The following ZFP28 variants were observed in gnomAD, a reference collection of about 807,000 sequenced individuals.
The protein encoded by ZFP28 is zinc finger protein 28 homolog.
Under a neutral mutation model 39.5 loss-of-function variants are expected in ZFP28, and 31 were observed. The observed-to-expected ratio is 0.79, with a 90% CI of 0.59 to 1.06. ZFP28 has a LOEUF of 1.06. Ranked by LOEUF, ZFP28 falls within the 50% of genes least tolerant of loss-of-function variation. ZFP28 has a pLI of 0.00. For synonymous variants in ZFP28, 400 were observed against 378.6 expected (o/e 1.06, Z -0.66); for missense variants, 925 against 1,048.4 (o/e 0.88, Z 1.63).
chr19:56,538,690 T>C (rs1340027079), upstream of ZFP28: 1 of 151,286 alleles, frequency 6.6e-6, no homozygotes, highest in Non-Finnish European at 1.5e-5. Context: ...CCAGCGGGCA[T>C]TGCGCCGAGG....
chr19:56,554,930 C>G lies in ZFP28; in HGVS notation c.2145C>G (p.Ser715=). 6.2e-7 allele frequency: 1 copy of G among 1,614,172 alleles called. No individual in the cohort carries two copies. The highest frequency in any genetic ancestry group is 8.5e-7 in the Non-Finnish European group (1 of 1,180,034). The change falls in exon 8 of 8, where the codon TCC becomes TCG. Residue 715 remains serine (S), a synonymous_variant. Coordinates refer to ENST00000301318, the MANE Select transcript of ZFP28 (RefSeq NM_020828.2). The surrounding 1 kb of genome is among the most constrained non-coding windows in gnomAD (Gnocchi z 6.7). Reference sequence around the variant, plus strand: ...GGAAGGCCTTTGGTGATAACTCATCCTGTACTCAACATCAAAGACTGCACA... The same window carrying G: ...GGAAGGCCTTTGGTGATAACTCATCGTGTACTCAACATCAAAGACTGCACA... The part of the protein sequence containing the change: ...ECGKAFGDNS[S]CTQHQRLHTG...
In ZFP28 at chr19:56,554,977, G is replaced by A. The variant is rs757813289; in HGVS notation, c.2192G>A (p.Cys731Tyr). ...RLHTGQRPYE[C>Y]IECGKAFKTK... is the part of the protein sequence containing the mutation. ...CACACTGGCCAAAGACCTTATGAAT[G>A]TATTGAGTGTGGAAAGGCATTCAAG... Residue 731 changes from cysteine (C) to tyrosine (Y), a missense_variant, in exon 8 of 8, where the codon TGT (cysteine) becomes TAT (tyrosine). Physicochemically the swap from Cys to Tyr is radical, Grantham distance 194 (BLOSUM62 -2). Around this residue, in one of 2 missense-constraint regions of ZFP28, gnomAD observed 369 missense variants for 505.5 expected, o/e 0.73. Transcript: ENST00000301318. This position sits in a 1 kb window ranked among gnomAD's most constrained non-coding sequence, Gnocchi z 6.7. The A allele has an allele frequency of 6.2e-7, 1 of 1,614,096 alleles. No homozygotes were observed.
chr19:56,547,597 G>A lies in ZFP28; in HGVS notation c.390G>A (p.Lys130=). ...LNPIQRNLYR[K]VMLENYRNLA... ...CCATTCAGAGGAACTTGTACAGGAA[G>A]GTGATGTTGGAGAACTACAGGAACC... Residue 130 remains lysine (K), a synonymous_variant, in exon 3 of 8, where the codon AAG becomes AAA. Transcript: ENST00000301318. This position sits in a 1 kb window ranked among gnomAD's most constrained non-coding sequence, Gnocchi z 4.6. The A allele has an allele frequency of 6.2e-7, 1 of 1,613,526 alleles. No individual in the cohort carries two copies. Among genetic ancestry groups the A allele is most frequent in the Non-Finnish European group, 8.5e-7 (1 of 1,179,678 alleles).
rs1568486173 is a variant in ZFP28 at position 56,549,100 on chromosome 19, T to A, written c.666T>A (p.Asp222Glu). Residue 222 changes from aspartate (D) to glutamate (E), a missense_variant, in exon 5 of 8, where the codon GAT becomes GAA. Physicochemically the swap from Asp to Glu is conservative, Grantham distance 45. Transcript: ENST00000301318. The part of the protein sequence containing the change: ...YSLLGEHWDY[D>E]ALFETQPGLV... ...TGTTAGGGGAACACTGGGATTATGATGCTCTGTTTGAGACACAGCCGGTAA... is the reference window on the plus strand; with the variant it reads ...TGTTAGGGGAACACTGGGATTATGAAGCTCTGTTTGAGACACAGCCGGTAA... The A allele has an allele frequency of 3.7e-6, 6 of 1,611,600 alleles. No homozygotes were observed. Among genetic ancestry groups the A allele is most frequent in the South Asian group, 1.1e-5 (1 of 90,254 alleles).
Position 56,547,609 on chromosome 19 carries a change from G to A in ZFP28, c.402G>A (p.Glu134=), listed in dbSNP as rs1021001339. ...ACTTGTACAGGAAGGTGATGTTGGA[G>A]AACTACAGGAACCTGGCATCGCTGG... ...QRNLYRKVML[E]NYRNLASLGL... is the part of the protein sequence containing the mutation. Residue 134 remains glutamate, a synonymous_variant, in exon 3 of 8, where the codon GAG becomes GAA. Coordinates refer to ENST00000301318, the MANE Select transcript of ZFP28 (RefSeq NM_020828.2). The surrounding 1 kb of genome is among the most constrained non-coding windows in gnomAD (Gnocchi z 4.6). The A allele has an allele frequency of 4.3e-6, 7 of 1,612,408 alleles. No individual in the cohort carries two copies. Among genetic ancestry groups the A allele is most frequent in the South Asian group, 2.2e-5 (2 of 90,866 alleles).
Position 56,547,984 on chromosome 19 carries a change from C to A in ZFP28, c.523+82C>A. On this transcript the variant is annotated intron_variant, in intron 4 of 7. Coordinates refer to ENST00000301318, the MANE Select transcript of ZFP28 (RefSeq NM_020828.2). The surrounding 1 kb of genome is among the most constrained non-coding windows in gnomAD (Gnocchi z 4.6). ...TCAGACACGCAACATCTTCAGCAGACTCTTCCTAAGCCTCTTGCTTAGGAA... is the reference window on the plus strand; with the variant it reads ...TCAGACACGCAACATCTTCAGCAGAATCTTCCTAAGCCTCTTGCTTAGGAA... 2 of 1,344,736 alleles carry A rather than the reference C, an allele frequency of 1.5e-6. No homozygotes were observed. Among genetic ancestry groups the A allele is most frequent in the Non-Finnish European group, 2.1e-6 (2 of 953,032 alleles). The allele number at this position is 1,344,736 out of a possible 1,614,324, so 83.3% of individuals were successfully genotyped here.
intron 2 of ZFP28, chr19:56,545,761 T>C (rs780316211): frequency 1.3e-5 from 2 of 151,926 alleles, no homozygotes; most frequent in Non-Finnish European, 2.9e-5. Context: ...TCTAGGTGAG[T>C]TTCCCAAGAC....
chr19:56,553,590 C>T (rs1037474747), intron 7 of ZFP28, 94 bp from the exon 8 acceptor site: 1 of 1,407,642 alleles, frequency 7.1e-7, no homozygotes, highest in Non-Finnish European at 9.6e-7. Context: ...ATGAATTCAC[C>T]AATTAGTGAA....
intron 7 of ZFP28, chr19:56,552,624 T>TTCAGGCAAAC (rs2044314361): frequency 6.6e-6 from 1 of 152,184 alleles, no homozygotes; most frequent in African/African-American, 2.4e-5. Flanking sequence ...GTCTAGAAGT[T>TTCAGGCAAAC]TGCATATGGT....
chr19:56,539,077 C>T lies in ZFP28; in HGVS notation c.59C>T (p.Ala20Val), dbSNP rs563829816. 1.3e-6 allele frequency: 2 copies of T among 1,530,018 alleles called. No individual in the cohort carries two copies. The highest frequency in any genetic ancestry group is 8.7e-7 in the Non-Finnish European group (1 of 1,143,646). 94.8% of individuals were successfully genotyped at this position (1,530,018 alleles called of 1,614,324 possible). The change falls in exon 1 of 8, where the codon GCC becomes GTC. Residue 20 changes from alanine (A) to valine (V), a missense_variant. Transcript: ENST00000301318. ...REPTPLPGRG[A>V]PRTKPRAGRG... ...CCGACGCCGCTCCCGGGTAGAGGCG[C>T]CCCCCGCACAAAGCCCCGGGCGGGC...
At chr19:56,544,070 TTAAGA>T (rs1298469204) in intron 2 of ZFP28, among the ~76,000 whole-genome samples, 3 of 150,362 alleles carry the variant, frequency 2.0e-5, no homozygotes, top group East Asian at 1.9e-4. Flanking sequence ...AAGGATTAAG[TTAAGA>T]TGTGTATAGT....
Position 56,547,334 on chromosome 19 carries a change from C to A in ZFP28, c.301-174C>A. The A allele has an allele frequency of 1.1e-6, 1 of 914,446 alleles. No individual in the cohort carries two copies. The highest frequency in any genetic ancestry group is 1.6e-6 in the Non-Finnish European group (1 of 614,356). The allele number at this position is 914,446 out of a possible 1,614,324, so 56.6% of individuals were successfully genotyped here. On this transcript the variant is annotated intron_variant, in intron 2 of 7. Transcript: ENST00000301318. This position sits in a 1 kb window ranked among gnomAD's most constrained non-coding sequence, Gnocchi z 4.6. ...CCCCACCCATATGACCTCATTTAACCCTAATTACCTCTTTGTAGGCCCTGT... is the reference window on the plus strand; with the variant it reads ...CCCCACCCATATGACCTCATTTAACACTAATTACCTCTTTGTAGGCCCTGT...
rs142588925 is a variant in ZFP28, at chr19:56,554,954, C to T, written c.2169C>T (p.His723=). Reference sequence around the variant, plus strand: ...CCTGTACTCAACATCAAAGACTGCACACTGGCCAAAGACCTTATGAATGTA... The same window carrying T: ...CCTGTACTCAACATCAAAGACTGCATACTGGCCAAAGACCTTATGAATGTA... The part of the protein sequence containing the change: ...NSSCTQHQRL[H]TGQRPYECIE... The change falls in exon 8 of 8, where the codon CAC becomes CAT. Residue 723 remains histidine (H), a synonymous_variant. Transcript: ENST00000301318. The surrounding 1 kb of genome is among the most constrained non-coding windows in gnomAD (Gnocchi z 6.7). 10 of 1,614,156 alleles carry T rather than the reference C, an allele frequency of 6.2e-6. No homozygotes were observed. In the East Asian group the frequency reaches 2.0e-4, roughly 32 times the overall value.
In ZFP28 at chr19:56,547,679, C is replaced by A; in HGVS notation, c.427+45C>A. On this transcript the variant is annotated intron_variant, in intron 3 of 7. Transcript: ENST00000301318. The surrounding 1 kb of genome is among the most constrained non-coding windows in gnomAD (Gnocchi z 4.6). ...TTCCCACCCCTCACCCTACCCACGT[C>A]CTGGACTAAGAAGCCTTTCATGCCT... 2 of 1,585,280 alleles carry A rather than the reference C, an allele frequency of 1.3e-6. No individual in the cohort carries two copies. The highest frequency in any genetic ancestry group is 2.3e-5 in the South Asian group (2 of 86,230).
intron 6 of ZFP28, 151 bp downstream of exon 6, chr19:56,550,332 AG>A (rs1244619760): frequency 1.1e-6 from 1 of 928,040 alleles, no homozygotes; most frequent in Non-Finnish European, 1.6e-6. Context: ...GCATTTGTAG[AG>A]GTGAAAGTTG....
rs1204175325 is a variant in ZFP28 at position 56,547,877 on chromosome 19, A to C, written c.498A>C (p.Arg166=). 2 of 1,614,080 alleles carry C rather than the reference A, an allele frequency of 1.2e-6. No homozygotes were observed. The highest frequency in any genetic ancestry group is 1.3e-5 in the African/African-American group (1 of 74,928). Residue 166 remains arginine, a synonymous_variant, in exon 4 of 8, where the codon CGA becomes CGC. Coordinates refer to ENST00000301318, the MANE Select transcript of ZFP28 (RefSeq NM_020828.2). The surrounding 1 kb of genome is among the most constrained non-coding windows in gnomAD (Gnocchi z 4.6). The stretch of plus-strand genomic sequence containing the variant: ...GAAAAGAGCCTTGGACAGTGAAGCG[A>C]AAGATGACAAGAGCCTGGTGCCCAG... ...EQGKEPWTVK[R]KMTRAWCPDL...
At chr19:56,542,533 G>A (rs1055902638) in intron 2 of ZFP28, among the ~76,000 whole-genome samples, 4 of 152,190 alleles carry the variant, frequency 2.6e-5, no homozygotes, top group East Asian at 1.9e-4. Context: ...CATGTTGTTC[G>A]AAGGTCAAAT....
intron 7 of ZFP28, 113 bp downstream of exon 7, chr19:56,550,718 G>A (rs1391808057): frequency 3.2e-6 from 5 of 1,572,062 alleles, no homozygotes; most frequent in African/African-American, 2.7e-5. Flanking sequence ...CAGGGTCTCT[G>A]GGTCTGGAAA....
At chr19:56,550,472 G>C in intron 6 of ZFP28, 38 bp from the exon 7 acceptor site, 1 of 1,567,776 alleles carries the variant, frequency 6.4e-7, no homozygotes, top group Non-Finnish European at 8.7e-7. Flanking sequence ...AGGATGCCAA[G>C]ACTATTGGCC....
Sources: allele counts gnomAD v4.1 joint callset (sites outside exome capture counted in the v4.1 genomes callset), GRCh38; gene constraint gnomAD v4.1.1; regional missense constraint gnomAD v4.1.1; non-coding constraint Gnocchi (gnomAD v3.1); transcripts MANE v1.5; gene names NCBI Gene and HGNC (gene_info 2026-07-23, HGNC 2026-07-21).